Variants in SSX3 observed in about 807,000 individuals in gnomAD.
SSX3 encodes SSX family member 3, also known as protein SSX3.
SSX3 carries 6 observed loss-of-function variants against 14.8 expected under a neutral mutation model. The ratio of observed to expected loss-of-function variants is 0.41; its 90% CI spans 0.22 to 0.80. The LOEUF (loss-of-function observed/expected upper bound fraction) is 0.80. Among genes scored for constraint, SSX3 ranks in the 30% least tolerant of loss-of-function variants. The pLI, the probability that SSX3 is intolerant of heterozygous loss-of-function variation, is 0.34. For missense variants in SSX3, 163 were observed against 152.2 expected, an observed-to-expected ratio of 1.07 and a Z score of -0.37; for synonymous variants, 55 against 52.9, an observed-to-expected ratio of 1.04 and a Z score of -0.18.
At chrX:48,354,844 G>T in intron 2 of SSX3, 98 bp from the exon 3 acceptor site, 5 of 1,200,982 alleles carry the variant, frequency 4.2e-6, no homozygotes, top group Non-Finnish European at 5.6e-6. Flanking sequence ...TGGGAAGTGG[G>T]GATAATCCTT....
intron 4 of SSX3, among the ~76,000 whole-genome samples, 175 bp downstream of exon 4, chrX:48,353,815 CTTTTGCATG>C (rs782026484): frequency 0.025 from 2,725 of 110,837 alleles, 43 homozygotes; most frequent in Middle Eastern, 0.05. Context: ...ATATATTCTT[CTTTTGCATG>C]TTTTAAAATT....
At chrX:48,349,741 T>C in intron 6 of SSX3, 3 of 1,139,390 alleles carry the variant, frequency 2.6e-6, no homozygotes, top group Admixed American at 3.1e-5. Flanking sequence ...TTCCATCTTA[T>C]GGACTAGGAA....
chrX:48,347,485 G>A lies in SSX3; in HGVS notation c.*4+15C>T. 1.7e-6 allele frequency: 2 copies of A among 1,208,942 alleles called. No homozygotes were observed. The highest frequency in any genetic ancestry group is 1.1e-6 in the Non-Finnish European group (1 of 894,051). On this transcript the variant is annotated intron_variant, in intron 7 of 7. Coordinates refer to ENST00000298396, the MANE Select transcript of SSX3 (RefSeq NM_021014.4). Reference sequence around the variant, plus strand: ...ATCTGCAGGGATGCAGGGGATGAGTGGAAGGTTCTCTTACGGAGTTACTCA... The same window carrying A: ...ATCTGCAGGGATGCAGGGGATGAGTAGAAGGTTCTCTTACGGAGTTACTCA...
In SSX3 at chrX:48,354,733, A is replaced by G; in HGVS notation, c.83T>C (p.Ile28Thr). Residue 28 changes from isoleucine to threonine, a missense_variant, in exon 3 of 8, where the codon ATT becomes ACT. Physicochemically the swap from Ile to Thr is moderately conservative, Grantham distance 89. Coordinates refer to ENST00000298396, the MANE Select transcript of SSX3 (RefSeq NM_021014.4). ...CTCTTCCTTAGAGAAGTATTTGGCA[A>G]TATCATCGAAGGCCTACAAAAAAAA... ...PEKIQKAFDD[I>T]AKYFSKEEWE... The G allele has an allele frequency of 8.3e-7, 1 of 1,204,849 alleles. No individual in the cohort carries two copies. The highest frequency in any genetic ancestry group is 1.1e-6 in the Non-Finnish European group (1 of 892,652).
intron 3 of SSX3, 22 bp downstream of exon 3, chrX:48,354,610 T>C (rs2061278059): frequency 8.4e-7 from 1 of 1,189,442 alleles, no homozygotes; most frequent in Non-Finnish European, 1.1e-6. Context: ...CAGACTTGTC[T>C]GTACCTAGAA....
intron 6 of SSX3, 132 bp from the exon 7 acceptor site, chrX:48,347,736 C>T: frequency 1.8e-6 from 2 of 1,108,734 alleles, no homozygotes; most frequent in Non-Finnish European, 2.4e-6. Context: ...TTTTCACATT[C>T]TCTGGCTTAG....
At chrX:48,356,158 C>A (rs1375059150) in intron 1 of SSX3, among the ~76,000 whole-genome samples, 18 of 111,801 alleles carry the variant, frequency 1.6e-4, no homozygotes, top group Non-Finnish European at 2.8e-4. Flanking sequence ...CTAAAAAAAA[C>A]AAACAAACAA....
chrX:48,346,823 C>G lies in SSX3; in HGVS notation c.*217G>C. The G allele has an allele frequency of 3.1e-6, 2 of 637,915 alleles. No individual in the cohort carries two copies. Among genetic ancestry groups the G allele is most frequent in the Non-Finnish European group, 2.4e-6 (1 of 414,668 alleles). The allele number at this position is 637,915 out of a possible 1,213,427, so 52.6% of individuals were successfully genotyped here. Reference sequence around the variant, plus strand: ...TGCTCATCAGTGAAAATGTTAATATCTAACAGAATGACACACTTCAAGAAA... The same window carrying G: ...TGCTCATCAGTGAAAATGTTAATATGTAACAGAATGACACACTTCAAGAAA... On this transcript the variant is annotated 3_prime_UTR_variant, in exon 8 of 8. Coordinates refer to ENST00000298396, the MANE Select transcript of SSX3 (RefSeq NM_021014.4).
At chrX:48,350,639 A>G (rs1364712084) in intron 5 of SSX3, among the ~76,000 whole-genome samples, 28 of 111,217 alleles carry the variant, frequency 2.5e-4, no homozygotes, top group Non-Finnish European at 4.0e-4. Flanking sequence ...CAGCAAACAA[A>G]GCAGTACCAG....
In SSX3 at chrX:48,355,172, TC is replaced by T; in HGVS notation, c.69+8del. On this transcript the variant is annotated splice_region_variant and intron_variant, in intron 2 of 7. Coordinates refer to ENST00000298396, the MANE Select transcript of SSX3 (RefSeq NM_021014.4). ...GGGTCACTACTCTGCTCCCTCTAGG[TC>T]ACCTCACCTTTTGTATCTTCTCTGG... 1 of 1,210,383 alleles carries T rather than the reference TC, an allele frequency of 8.3e-7. No homozygotes were observed. Among genetic ancestry groups the T allele is most frequent in the Non-Finnish European group, 1.1e-6 (1 of 894,268 alleles).
rs782065560 is a variant in SSX3, at chrX:48,349,795, G to T, written c.466+192C>A. ...TGGAAGACTTTCCTCAAGTCACGTG[G>T]TTTTTTTTTATATGGATGACAACTC... is the stretch of plus-strand genomic sequence containing the variant. On this transcript the variant is annotated intron_variant, in intron 6 of 7. Coordinates refer to ENST00000298396, the MANE Select transcript of SSX3 (RefSeq NM_021014.4). The T allele has an allele frequency of 7.6e-5, 85 of 1,120,970 alleles. No homozygotes were observed. In the East Asian group the frequency reaches 1.6e-3, roughly 21 times the overall value. 92.4% of individuals were successfully genotyped at this position (1,120,970 alleles called of 1,213,427 possible).
At chrX:48,356,261 T>G (rs2061287303) in intron 1 of SSX3, among the ~76,000 whole-genome samples, 1 of 111,606 alleles carries the variant, frequency 9.0e-6, no homozygotes, top group Non-Finnish European at 1.9e-5. Flanking sequence ...GAGTGATTTT[T>G]TTTTTCAGAC....
At chrX:48,353,073 G>A (rs1336391845) in intron 4 of SSX3, among the ~76,000 whole-genome samples, 1 of 108,974 alleles carries the variant, frequency 9.2e-6, no homozygotes, top group Non-Finnish European at 1.9e-5. Flanking sequence ...CCTACATGCT[G>A]TTAATGAAAC....
chrX:48,356,090 G>A (rs1459191515), intron 1 of SSX3, among the ~76,000 whole-genome samples: 1 of 111,771 alleles, frequency 8.9e-6, no homozygotes, highest in Non-Finnish European at 1.9e-5. Context: ...AAGGTGGGCG[G>A]ATCGCCTTAG....
intron 4 of SSX3, among the ~76,000 whole-genome samples, 191 bp downstream of exon 4, chrX:48,353,808 T>C (rs1224860899): frequency 9.1e-6 from 1 of 110,378 alleles, no homozygotes; most frequent in African/African-American, 3.3e-5. Flanking sequence ...TAAAAATATA[T>C]ATTCTTCTTT....
chrX:48,354,590 C>T, intron 3 of SSX3, 42 bp downstream of exon 3: 1 of 1,148,259 alleles, frequency 8.7e-7, no homozygotes, highest in Non-Finnish European at 1.2e-6. Context: ...AAGGGATGCT[C>T]ATGTGTCCCC....
rs782424183 is a variant in SSX3 at position 48,354,617 on chromosome X, A to C, written c.184+15T>G. 17 of 1,195,144 alleles carry C rather than the reference A, an allele frequency of 1.4e-5. No homozygotes were observed. The highest frequency in any genetic ancestry group is 1.8e-5 in the African/African-American group (1 of 56,774). On this transcript the variant is annotated intron_variant, in intron 3 of 7. Coordinates refer to ENST00000298396, the MANE Select transcript of SSX3 (RefSeq NM_021014.4). The stretch of plus-strand genomic sequence containing the variant: ...TGTGTCCCCAGACTTGTCTGTACCT[A>C]GAACTTTCTGTTACCTAGTTTAGTC...
At chrX:48,348,351 A>G (rs781797062) in intron 6 of SSX3, 12 of 515,301 alleles carry the variant, frequency 2.3e-5, no homozygotes, top group Non-Finnish European at 3.9e-5. Context: ...CACCCATAGA[A>G]TATGACAAAC....
chrX:48,348,649 A>AG (rs201693358), intron 6 of SSX3, among the ~76,000 whole-genome samples: 5,113 of 112,529 alleles, frequency 0.045, 304 homozygotes, highest in African/African-American at 0.16. Flanking sequence ...GTGAATGCAA[A>AG]GAAAAGTTCT....
Sources: allele counts gnomAD v4.1 joint callset (sites outside exome capture counted in the v4.1 genomes callset), GRCh38; gene constraint gnomAD v4.1.1; transcripts MANE v1.5; gene names NCBI Gene and HGNC (gene_info 2026-07-23, HGNC 2026-07-21).